Variants in PEX5L observed in about 807,000 individuals in gnomAD.
PEX5L encodes PEX5-related protein.
A neutral mutation model predicts 84.0 loss-of-function variants in PEX5L; 30 were observed. That is an observed-to-expected ratio of 0.36 (90% CI 0.27 to 0.48). PEX5L has a LOEUF of 0.48. PEX5L is among the 20% of genes least tolerant of loss of function. The probability of loss-of-function intolerance (pLI) is 0.99; values close to 1 mark genes in which losing one functional copy is unlikely to be tolerated. For synonymous variants in PEX5L, 270 were observed against 283.1 expected, an observed-to-expected ratio of 0.95 and a Z score of 0.46; for missense variants, 533 against 754.6, an observed-to-expected ratio of 0.71 and a Z score of 3.44.
At chr3:179,955,459 CTA>C (rs1431249865) in intron 2 of PEX5L, among the ~76,000 whole-genome samples, 2 of 136,456 alleles carry the variant, frequency 1.5e-5, no homozygotes, top group Non-Finnish European at 3.2e-5. Context: ...TGAAGACTCA[CTA>C]TGAGTTCTGC....
Position 179,936,030 on chromosome 3 carries a change from T to G in PEX5L, c.93+35564A>C, listed in dbSNP as rs550414772. 3.9e-5 allele frequency among the ~76,000 whole-genome samples: 6 copies of G among 152,308 alleles called. No individual in the cohort carries two copies. In the South Asian group the frequency reaches 1.2e-3, roughly 32 times the overall value. On this transcript the variant is annotated intron_variant, in intron 2 of 14. Transcript: ENST00000467460. ...ACAGCCACCAGAGTTGTAAGCCAAA[T>G]AACTCTCTTTTCTTTATAAATTATC... is the stretch of plus-strand genomic sequence containing the variant.
At chr3:179,896,351 GA>G (rs1482228071) in intron 3 of PEX5L, among the ~76,000 whole-genome samples, 1 of 152,026 alleles carries the variant, frequency 6.6e-6, no homozygotes, top group Non-Finnish European at 1.5e-5. Flanking sequence ...TGATGCATCA[GA>G]TAAAGCATTC....
At chr3:180,033,069 C>T (rs1313354345) in intron 1 of PEX5L, among the ~76,000 whole-genome samples, 4 of 152,058 alleles carry the variant, frequency 2.6e-5, no homozygotes, top group Non-Finnish European at 4.4e-5. Context: ...TCACCAGGGG[C>T]GAGATCTAAT....
intron 2 of PEX5L, among the ~76,000 whole-genome samples, chr3:179,933,628 T>G (rs908506907): frequency 1.3e-5 from 2 of 152,240 alleles, no homozygotes; most frequent in African/African-American, 4.8e-5. Flanking sequence ...CAAAAATCTT[T>G]ACTTTTCCTC....
intron 1 of PEX5L, among the ~76,000 whole-genome samples, chr3:180,015,593 T>C (rs1169751180): frequency 6.6e-6 from 1 of 152,034 alleles, no homozygotes; most frequent in African/African-American, 2.4e-5. Flanking sequence ...TTATAGTGAA[T>C]TGTTCCTTAG....
intron 2 of PEX5L, among the ~76,000 whole-genome samples, chr3:179,961,892 T>C (rs141260076): frequency 5.3e-5 from 8 of 152,198 alleles, no homozygotes; most frequent in African/African-American, 1.9e-4. Context: ...CGGTTCACAA[T>C]CACCATGGCC....
chr3:180,003,689 T>A (rs1788622805), intron 1 of PEX5L, among the ~76,000 whole-genome samples: 1 of 152,174 alleles, frequency 6.6e-6, no homozygotes, highest in Admixed American at 6.5e-5. Flanking sequence ...TATTATTTTA[T>A]AAGAAAGTGT....
intron 6 of PEX5L, among the ~76,000 whole-genome samples, chr3:179,874,726 GTTTTTTTTTTTGTTTTTTTTT>G (rs922855626): frequency 3.8e-4 from 17 of 45,202 alleles, no homozygotes; most frequent in South Asian, 2.3e-3. Context: ...AAAAATTATG[GTTTTTTTTTTTGTTTTTTTTT>G]TTTTTTTTTT....
rs1402141999 is a variant in PEX5L, at chr3:179,798,922, C to CTT, written c.*2904_*2905dup. 1.3e-5 allele frequency: 2 copies of CTT among 152,064 alleles called. No individual in the cohort carries two copies. Among genetic ancestry groups the CTT allele is most frequent in the African/African-American group, 4.8e-5 (2 of 41,410 alleles). 9.4% of individuals were successfully genotyped at this position (152,064 alleles called of 1,614,324 possible). On this transcript the variant is annotated 3_prime_UTR_variant, in exon 15 of 15. Coordinates refer to ENST00000467460, the MANE Select transcript of PEX5L (RefSeq NM_016559.3). ...GGTGCTCTATTCCTATAAACTGTCA[C>CTT]TTTTTTGTTTTTTTTGAGACGGAGT...
At chr3:179,838,786 T>G (rs1289515472) in intron 8 of PEX5L, among the ~76,000 whole-genome samples, 1 of 152,170 alleles carries the variant, frequency 6.6e-6, no homozygotes, top group Non-Finnish European at 1.5e-5. Context: ...AATTAAGGAA[T>G]TTTAAAAAGA....
chr3:179,977,073 A>G (rs1402324779), intron 1 of PEX5L, among the ~76,000 whole-genome samples: 3 of 152,218 alleles, frequency 2.0e-5, no homozygotes, highest in Admixed American at 6.5e-5. Context: ...AAATACTAAA[A>G]GTCTTTTTCT....
At chr3:179,932,372 C>T (rs1024200746) in intron 2 of PEX5L, among the ~76,000 whole-genome samples, 7 of 151,974 alleles carry the variant, frequency 4.6e-5, no homozygotes, top group Non-Finnish European at 5.9e-5. Flanking sequence ...TTGCTGTTTA[C>T]GTTTGCTTGA....
At chr3:179,894,480 T>C (rs1382565973) in intron 3 of PEX5L, among the ~76,000 whole-genome samples, 1 of 152,078 alleles carries the variant, frequency 6.6e-6, no homozygotes, top group Admixed American at 6.6e-5. Context: ...GCTACAACTA[T>C]TTTCCTGACA....
chr3:179,847,079 G>GTATATA (rs199601016), intron 8 of PEX5L, among the ~76,000 whole-genome samples: 277 of 106,490 alleles, frequency 2.6e-3, no homozygotes, highest in African/African-American at 9.2e-3. Flanking sequence ...GTGTGTGTGT[G>GTATATA]TGTATATATA....
intron 2 of PEX5L, among the ~76,000 whole-genome samples, chr3:179,898,513 T>C (rs1335124787): frequency 6.6e-6 from 1 of 152,194 alleles, no homozygotes; most frequent in Non-Finnish European, 1.5e-5. Flanking sequence ...TAATATGTTT[T>C]AAGGAAATTA....
At chr3:179,855,562 A>T (rs971769351) in intron 8 of PEX5L, among the ~76,000 whole-genome samples, 6 of 152,134 alleles carry the variant, frequency 3.9e-5, no homozygotes, top group African/African-American at 1.4e-4. Flanking sequence ...GCCACCCAAG[A>T]ATAACTATTG....
chr3:179,824,660 C>T (rs979888375), intron 8 of PEX5L, among the ~76,000 whole-genome samples: 3 of 132,474 alleles, frequency 2.3e-5, no homozygotes, highest in Admixed American at 1.7e-4. Flanking sequence ...GAGCCGAGAT[C>T]GTGCCATTGC....
intron 2 of PEX5L, among the ~76,000 whole-genome samples, chr3:179,963,856 C>T (rs569013311): frequency 2.1e-4 from 32 of 152,182 alleles, no homozygotes; most frequent in African/African-American, 6.0e-4. Flanking sequence ...ATTTCTGGAC[C>T]TGGATGATTG....
intron 2 of PEX5L, among the ~76,000 whole-genome samples, chr3:179,923,020 T>A (rs1414535134): frequency 6.6e-6 from 1 of 151,856 alleles, no homozygotes; most frequent in Admixed American, 6.6e-5. Context: ...CCAGGCACAG[T>A]GGCTCACGCC....
Sources: gnomAD v4.1 joint callset for allele counts (sites outside exome capture counted in the v4.1 genomes callset) on GRCh38, gnomAD v4.1.1 for gene constraint, MANE v1.5 for transcripts, NCBI Gene and HGNC (gene_info 2026-07-23, HGNC 2026-07-21) for gene names.